BRD10: variants seen among roughly 807,000 people sequenced by gnomAD.
The protein encoded by BRD10 is uncharacterized bromodomain-containing protein 10.
At chr9:5,975,439 C>CAAAA in the BRD10 span, among the ~76,000 whole-genome samples, 1 of 61,220 alleles carries the variant, frequency 1.6e-5, no homozygotes, top group Non-Finnish European at 2.7e-5. Context: ...AACTCCATCT[C>CAAAA]AAAAAAAAAA....
At chr9:5,891,152 G>A in the BRD10 span, 1 of 152,130 alleles carries the variant, frequency 6.6e-6, no homozygotes, top group African/African-American at 2.4e-5. Flanking sequence ...AAGAAGAAAA[G>A]CAATTATTCA....
chr9:5,952,728 G>A, the BRD10 span, among the ~76,000 whole-genome samples: 146 of 152,214 alleles, frequency 9.6e-4, no homozygotes, highest in African/African-American at 3.5e-3. Flanking sequence ...ACATTCCCAG[G>A]GCTGATGCTT....
At chr9:5,952,352 A>G in the BRD10 span, among the ~76,000 whole-genome samples, 1 of 152,100 alleles carries the variant, frequency 6.6e-6, no homozygotes, top group South Asian at 2.1e-4. Flanking sequence ...ATCTGGCAAA[A>G]TATTTTGACC....
the BRD10 span, chr9:5,908,825 C>A: frequency 1.1e-6 from 1 of 933,566 alleles, no homozygotes. Context: ...CAAGCCATCT[C>A]TAATAATAAG....
the BRD10 span, among the ~76,000 whole-genome samples, chr9:5,940,375 T>A: frequency 2.6e-5 from 4 of 152,050 alleles, no homozygotes; most frequent in South Asian, 4.2e-4. Context: ...TTGTATTTTT[T>A]GTAGAGACAG....
At chr9:5,924,595 C>T in the BRD10 span, 3 of 1,016,072 alleles carry the variant, frequency 3.0e-6, no homozygotes, top group African/African-American at 1.6e-5. Flanking sequence ...TTTGCCTTCA[C>T]AGCAAACAAA....
the BRD10 span, chr9:5,969,504 T>C: frequency 1.3e-5 from 14 of 1,078,250 alleles, no homozygotes; most frequent in Non-Finnish European, 1.7e-5. Flanking sequence ...ATTTTAAGTA[T>C]ATTTATCTTT....
chr9:5,956,726 T>A, the BRD10 span, among the ~76,000 whole-genome samples: 1 of 152,182 alleles, frequency 6.6e-6, no homozygotes, highest in Non-Finnish European at 1.5e-5. Flanking sequence ...CAGTTCTTCT[T>A]ATGCATGTCC....
the BRD10 span, among the ~76,000 whole-genome samples, chr9:5,915,417 A>C: frequency 1.3e-5 from 2 of 152,192 alleles, no homozygotes; most frequent in Non-Finnish European, 2.9e-5. Context: ...AATTGTCCCC[A>C]TCTTAAGTTT....
chr9:5,884,734 A>T, the BRD10 span, among the ~76,000 whole-genome samples: 2 of 152,270 alleles, frequency 1.3e-5, no homozygotes, highest in South Asian at 4.1e-4. Context: ...TTGACTCTTC[A>T]ATATTTTTCC....
chr9:5,998,904 A>T, the BRD10 span, among the ~76,000 whole-genome samples: 1 of 152,032 alleles, frequency 6.6e-6, no homozygotes, highest in Non-Finnish European at 1.5e-5. Flanking sequence ...ACTTGTCAGT[A>T]GTCTGTGGAA....
At chr9:5,940,385 G>A in the BRD10 span, among the ~76,000 whole-genome samples, 8 of 151,990 alleles carry the variant, frequency 5.3e-5, no homozygotes, top group Admixed American at 1.3e-4. Context: ...TGTAGAGACA[G>A]GGTTTCACCA....
the BRD10 span, among the ~76,000 whole-genome samples, chr9:5,892,714 G>A: frequency 6.6e-6 from 1 of 152,196 alleles, no homozygotes; most frequent in African/African-American, 2.4e-5. Flanking sequence ...GCTTCTATAA[G>A]GGGCTCAGTC....
chr9:5,956,672 A>G, the BRD10 span, among the ~76,000 whole-genome samples: 1 of 152,192 alleles, frequency 6.6e-6, no homozygotes, highest in Non-Finnish European at 1.5e-5. Context: ...GCCTAAACAG[A>G]AAATCTTTTA....
At chr9:5,951,779 T>G in the BRD10 span, among the ~76,000 whole-genome samples, 1 of 151,238 alleles carries the variant, frequency 6.6e-6, no homozygotes, top group Non-Finnish European at 1.5e-5. Context: ...TGACTAGCAC[T>G]ATCTCCTATT....
chr9:5,921,984 C>T, the BRD10 span: 1 of 1,613,908 alleles, frequency 6.2e-7, no homozygotes, highest in Non-Finnish European at 8.5e-7. Flanking sequence ...GTAGTTGTTC[C>T]AGCTACAGGT....
chr9:5,885,588 G>A, the BRD10 span, among the ~76,000 whole-genome samples: 2 of 152,072 alleles, frequency 1.3e-5, no homozygotes, highest in South Asian at 4.1e-4. Context: ...GGTCAGGCTA[G>A]TCTTGAACTC....
chr9:5,911,827 G>A, the BRD10 span, among the ~76,000 whole-genome samples: 3 of 152,164 alleles, frequency 2.0e-5, no homozygotes, highest in East Asian at 1.9e-4. Context: ...GAGCCACCAC[G>A]CCCAGCCTGT....
At chr9:5,950,006 A>C in the BRD10 span, among the ~76,000 whole-genome samples, 2 of 152,212 alleles carry the variant, frequency 1.3e-5, no homozygotes, top group South Asian at 4.1e-4. Context: ...TTCTATAATT[A>C]TCACTAAAAA....
Sources: allele counts gnomAD v4.1 joint callset (sites outside exome capture counted in the v4.1 genomes callset), GRCh38; gene constraint gnomAD v4.1.1; transcripts MANE v1.5; gene names NCBI Gene and HGNC (gene_info 2026-07-23, HGNC 2026-07-21).